EPB41: variants seen among roughly 807,000 people sequenced by gnomAD.
EPB41 encodes erythrocyte membrane protein band 4.1.
EPB41 carries 65 observed loss-of-function variants against 108.0 expected under a neutral mutation model. The ratio of observed to expected loss-of-function variants is 0.60; its 90% confidence interval spans 0.49 to 0.74. EPB41 has a LOEUF of 0.74. Ranked by LOEUF, EPB41 falls within the 30% of genes least tolerant of loss-of-function variation. The pLI is 0.00. For synonymous variants in EPB41, 336 were observed against 358.9 expected (o/e 0.94, Z 0.72); for missense variants, 875 against 1,037.0 (o/e 0.84, Z 2.15).
At chr1:28,978,219 C>G (rs2095654520) in intron 1 of EPB41, among the ~76,000 whole-genome samples, 1 of 151,358 alleles carries the variant, frequency 6.6e-6, no homozygotes, top group Non-Finnish European at 1.5e-5. Flanking sequence ...CATTATGTGG[C>G]AAAATGTCTC....
chr1:29,065,966 CAA>C lies in EPB41; in HGVS notation c.2184+825_2184+826del, dbSNP rs71022389. 160 of 90,976 alleles carry C rather than the reference CAA, an allele frequency of 1.8e-3. No homozygotes were observed. In the Middle Eastern group the frequency reaches 0.018, roughly 10 times the overall value. 5.6% of individuals were successfully genotyped at this position (90,976 alleles called of 1,614,324 possible). A position where few individuals can be genotyped will look rare whatever the true frequency, so the allele number is the denominator to read the frequency against. Reference sequence around the variant, plus strand: ...TGGGTGACAGAGTGAGACCCTGTCTCAAAAAAAAAAAAAAAAAAGGAAAAGAA... The same window carrying C: ...TGGGTGACAGAGTGAGACCCTGTCTCAAAAAAAAAAAAAAAAGGAAAAGAA... On this transcript the variant is annotated intron_variant, in intron 16 of 20. Transcript: ENST00000343067.
chr1:28,963,428 A>G (rs1176916312), intron 1 of EPB41, among the ~76,000 whole-genome samples: 1 of 151,742 alleles, frequency 6.6e-6, no homozygotes, highest in Non-Finnish European at 1.5e-5. Context: ...TAAAATGTAA[A>G]TCTGAAAGAA....
chr1:29,081,554 G>A (rs372909365), intron 16 of EPB41, among the ~76,000 whole-genome samples: 8 of 152,116 alleles, frequency 5.3e-5, no homozygotes, highest in East Asian at 3.9e-4. Flanking sequence ...CTAATGCTTC[G>A]GCTGGGCACT....
chr1:29,028,154 A>AT (rs1239956044), intron 7 of EPB41, among the ~76,000 whole-genome samples: 1 of 152,188 alleles, frequency 6.6e-6, no homozygotes, highest in African/African-American at 2.4e-5. Flanking sequence ...AAGCATGCTT[A>AT]TTTATAGAAG....
rs566893796 is a variant in EPB41, at chr1:28,901,171, C to T, written c.-8+13961C>T. On this transcript the variant is annotated intron_variant, in intron 1 of 16. Coordinates refer to the EPB41 transcript ENST00000347529. ...GTCTCGATCTGCTGACCTTGTGATC[C>T]GCCCGCCTTGGCCTCCCAAAGTGCT... Among the ~76,000 whole-genome samples the T allele has an allele frequency of 1.2e-3, 184 of 151,964 alleles. 1 individual carries two copies. The highest frequency in any genetic ancestry group is 3.9e-3 in the African/African-American group (162 of 41,472).
rs987540892 is a variant in EPB41, at chr1:28,935,461, ACACACACCCCCCC to A, written c.-8+20695_-8+20707del. Among the ~76,000 whole-genome samples the A allele has an allele frequency of 6.2e-5, 3 of 48,414 alleles. 1 individual carries two copies. Among genetic ancestry groups the A allele is most frequent in the Non-Finnish European group, 1.1e-4 (3 of 26,560 alleles). The allele number at this position is 48,414 out of a possible 152,430, so 31.8% of individuals were successfully genotyped here. A position where few individuals can be genotyped will look rare whatever the true frequency, so the allele number is the denominator to read the frequency against. ...AAAACACACACACACACACACACAC[ACACACACCCCCCC>A]CCCCCCAAGATCTACGCACTAACTG... On this transcript the variant is annotated intron_variant, in intron 1 of 20. Transcript: ENST00000343067.
At chr1:29,100,054 A>T (rs973781983) in intron 17 of EPB41, among the ~76,000 whole-genome samples, 15 of 152,182 alleles carry the variant, frequency 9.9e-5, no homozygotes, top group African/African-American at 3.6e-4. Context: ...GATGGGAAAG[A>T]GATAGCCATG....
At chr1:28,980,130 C>T (rs746731537) in intron 1 of EPB41, among the ~76,000 whole-genome samples, 9 of 151,976 alleles carry the variant, frequency 5.9e-5, no homozygotes, top group Admixed American at 3.3e-4. Context: ...CCTAGGAGTT[C>T]GAGACCAGCC....
rs896901210 is a variant in EPB41, at chr1:29,055,805, G to C, written c.1845+2493G>C. Among the ~76,000 whole-genome samples, 5 of 150,986 alleles carry C rather than the reference G, an allele frequency of 3.3e-5. No individual in the cohort carries two copies. In the East Asian group the frequency reaches 9.8e-4, roughly 30 times the overall value. ...TAGCTGGGCCTGCTGGCAGACACCT[G>C]TAATCCCAGCTATTTGGGAGGCTGA... On this transcript the variant is annotated intron_variant, in intron 12 of 20. Coordinates refer to ENST00000343067, the MANE Select transcript of EPB41 (RefSeq NM_001376013.1).
intron 7 of EPB41, among the ~76,000 whole-genome samples, chr1:29,021,628 G>A (rs567099182): frequency 2.5e-4 from 38 of 151,404 alleles, no homozygotes; most frequent in Admixed American, 7.2e-4. Flanking sequence ...TGTCGCCCAG[G>A]CTGGAGTGCA....
rs183590474 is a variant in EPB41 at position 29,075,434 on chromosome 1, C to T, written c.2184+10276C>T. The stretch of plus-strand genomic sequence containing the variant: ...TGGAGGTTGCAGTGAGCTGAGATCG[C>T]GCCACTGTACTCCAGCCTGGGCAAC... On this transcript the variant is annotated intron_variant, in intron 16 of 20. Transcript: ENST00000343067. 2.3e-3 allele frequency among the ~76,000 whole-genome samples: 356 copies of T among 152,078 alleles called. 3 individuals carry two copies. The highest frequency in any genetic ancestry group is 7.8e-3 in the African/African-American group (325 of 41,468).
intron 17 of EPB41, among the ~76,000 whole-genome samples, chr1:29,106,718 C>CAAA (rs1251501900): frequency 6.6e-6 from 1 of 150,724 alleles, no homozygotes; most frequent in East Asian, 2.0e-4. Context: ...GGACGACAGG[C>CAAA]GTTTGCCACC....
chr1:28,910,087 CAAAA>C (rs5773222), upstream of EPB41, among the ~76,000 whole-genome samples: 1 of 121,066 alleles, frequency 8.3e-6, no homozygotes, highest in Non-Finnish European at 1.8e-5. Flanking sequence ...ACCACTGTCT[CAAAA>C]AAAAAAAAAA....
intron 1 of EPB41, among the ~76,000 whole-genome samples, chr1:28,977,325 A>G (rs551857077): frequency 5.9e-5 from 9 of 152,184 alleles, no homozygotes; most frequent in Middle Eastern, 3.4e-3. Flanking sequence ...CACTGACTCA[A>G]TGTTACAGAG....
rs145705635 is a variant in EPB41, at chr1:29,013,762, C to T, written c.829+1855C>T. Among the ~76,000 whole-genome samples, 572 of 150,352 alleles carry T rather than the reference C, an allele frequency of 3.8e-3. 6 individuals are homozygous for T. The highest frequency in any genetic ancestry group is 0.013 in the African/African-American group (530 of 40,952). On this transcript the variant is annotated intron_variant, in intron 5 of 20. Transcript: ENST00000343067. ...CAGGATGGTTTGGAACCCCTGACCT[C>T]GGGTGATCCACCCTCCTTGGCCTCC...
chr1:28,890,412 T>C (rs906331286), intron 1 of EPB41, among the ~76,000 whole-genome samples: 6 of 152,106 alleles, frequency 3.9e-5, no homozygotes, highest in African/African-American at 1.4e-4. Flanking sequence ...GCTCCCTGGG[T>C]TTCAGTTTCC....
chr1:29,109,521 C>A, intron 18 of EPB41, 84 bp downstream of exon 18: 1 of 1,132,418 alleles, frequency 8.8e-7, no homozygotes. Flanking sequence ...GACCCTAGTC[C>A]ATAAGCAAAT....
At chr1:29,064,285 G>T (rs2150995290) in intron 15 of EPB41, among the ~76,000 whole-genome samples, 1 of 152,182 alleles carries the variant, frequency 6.6e-6, no homozygotes, top group South Asian at 2.1e-4. Flanking sequence ...TGTGCATATT[G>T]TTGACAAAGA....
intron 4 of EPB41, among the ~76,000 whole-genome samples, chr1:29,003,225 T>C (rs1028999463): frequency 6.6e-6 from 1 of 152,238 alleles, no homozygotes; most frequent in African/African-American, 2.4e-5. Flanking sequence ...TAAATCATGG[T>C]CATCTAAGTT....
Sources: gnomAD v4.1 joint callset for allele counts (sites outside exome capture counted in the v4.1 genomes callset) on GRCh38, gnomAD v4.1.1 for gene constraint, MANE v1.5 for transcripts, NCBI Gene and HGNC (gene_info 2026-07-23, HGNC 2026-07-21) for gene names.